HHIP: variants seen among roughly 807,000 people sequenced by gnomAD.
HHIP encodes hedgehog interacting protein.
In HHIP, 12 loss-of-function variants were observed where a neutral mutation model predicts 74.0. The ratio of observed to expected loss-of-function variants is 0.16; its 90% CI spans 0.10 to 0.26. The LOEUF is 0.26. Ranked by LOEUF, HHIP falls within the 10% of genes least tolerant of loss-of-function variation. The probability of loss-of-function intolerance (pLI) is 1.00; values close to 1 mark genes in which losing one functional copy is unlikely to be tolerated. For missense variants in HHIP, 788 were observed against 845.0 expected (o/e 0.93, Z 0.84); for synonymous variants, 309 against 311.6 (o/e 0.99, Z 0.09).
chr4:144,707,018 A>G (rs1204575402), intron 5 of HHIP, 69 bp from the exon 6 acceptor site: 1 of 1,311,088 alleles, frequency 7.6e-7, no homozygotes, highest in African/African-American at 1.5e-5. Context: ...TTTATATACT[A>G]TTCACTTTCT....
At chr4:144,731,709 C>T (rs752637718) in intron 11 of HHIP, among the ~76,000 whole-genome samples, 8 of 152,134 alleles carry the variant, frequency 5.3e-5, no homozygotes, top group Admixed American at 2.0e-4. Context: ...TGTGAGCCAC[C>T]GTACCTGACC....
chr4:144,675,378 T>C (rs1240152828), intron 4 of HHIP, among the ~76,000 whole-genome samples: 1 of 152,124 alleles, frequency 6.6e-6, no homozygotes, highest in Non-Finnish European at 1.5e-5. Context: ...TTTGTTGTCT[T>C]CATTACGAGA....
chr4:144,658,241 G>A (rs1728602013), intron 2 of HHIP, among the ~76,000 whole-genome samples: 1 of 152,032 alleles, frequency 6.6e-6, no homozygotes, highest in African/African-American at 2.4e-5. Flanking sequence ...CTTCATGGGA[G>A]CCTTTTAATA....
chr4:144,698,844 C>G (rs1232740932), intron 4 of HHIP, among the ~76,000 whole-genome samples: 1 of 152,060 alleles, frequency 6.6e-6, no homozygotes, highest in East Asian at 1.9e-4. Context: ...AAAAACAAGT[C>G]AAGTTCAAGA....
intron 4 of HHIP, among the ~76,000 whole-genome samples, chr4:144,688,134 T>C (rs1452011093): frequency 6.6e-6 from 1 of 152,166 alleles, no homozygotes; most frequent in Non-Finnish European, 1.5e-5. Flanking sequence ...GAATCAGCAC[T>C]GATTTTCAAC....
intron 4 of HHIP, among the ~76,000 whole-genome samples, chr4:144,698,353 C>T (rs1208741756): frequency 2.0e-5 from 3 of 152,154 alleles, no homozygotes; most frequent in African/African-American, 4.8e-5. Context: ...GATTATAACA[C>T]CATATTTTTA....
chr4:144,678,174 ATT>A (rs1300722652), intron 4 of HHIP, among the ~76,000 whole-genome samples: 2 of 152,292 alleles, frequency 1.3e-5, no homozygotes, highest in African/African-American at 4.8e-5. Flanking sequence ...AATCACTGTA[ATT>A]TGCATCTAAA....
At chr4:144,695,969 G>A (rs543782955) in intron 4 of HHIP, among the ~76,000 whole-genome samples, 5 of 151,932 alleles carry the variant, frequency 3.3e-5, no homozygotes, top group East Asian at 1.9e-4. Context: ...TAACGTGCAC[G>A]CATTCCTCAT....
At chr4:144,712,669 T>C (rs1002184787) in intron 8 of HHIP, among the ~76,000 whole-genome samples, 1 of 152,158 alleles carries the variant, frequency 6.6e-6, no homozygotes, top group Non-Finnish European at 1.5e-5. Context: ...AATAATAAAG[T>C]TCAAAACACT....
intron 1 of HHIP, chr4:144,650,819 T>A (rs1728398601): frequency 6.6e-6 from 1 of 152,118 alleles, no homozygotes; most frequent in African/African-American, 2.4e-5. Flanking sequence ...CAGAACACAT[T>A]CCAAAAATTG....
chr4:144,648,459 A>G (rs1306948496), intron 1 of HHIP: 1 of 152,174 alleles, frequency 6.6e-6, no homozygotes, highest in Non-Finnish European at 1.5e-5. Flanking sequence ...TTCTTACCAT[A>G]TGCAGCAGGA....
intron 11 of HHIP, among the ~76,000 whole-genome samples, chr4:144,731,745 G>A (rs1730961641): frequency 6.6e-6 from 1 of 152,088 alleles, no homozygotes; most frequent in African/African-American, 2.4e-5. Context: ...AACATTTATT[G>A]ACTGACTATA....
intron 11 of HHIP, among the ~76,000 whole-genome samples, chr4:144,725,554 G>T (rs1730772741): frequency 6.6e-6 from 1 of 152,106 alleles, no homozygotes; most frequent in African/African-American, 2.4e-5. Flanking sequence ...ATGGAGCTAA[G>T]AATTTATTTT....
intron 2 of HHIP, among the ~76,000 whole-genome samples, chr4:144,656,023 T>A (rs1369901679): frequency 2.0e-5 from 3 of 152,296 alleles, no homozygotes; most frequent in Non-Finnish European, 4.4e-5. Context: ...TTAGTAGACC[T>A]GACCATATTA....
chr4:144,700,641 G>A (rs1361433704), intron 4 of HHIP, among the ~76,000 whole-genome samples: 1 of 152,172 alleles, frequency 6.6e-6, no homozygotes, highest in East Asian at 1.9e-4. Flanking sequence ...TGGCTTTGAA[G>A]ATGGAAGAAA....
At chr4:144,718,366 A>C (rs1730521279) in intron 10 of HHIP, among the ~76,000 whole-genome samples, 1 of 152,212 alleles carries the variant, frequency 6.6e-6, no homozygotes, top group Non-Finnish European at 1.5e-5. Context: ...CTCCTGTGTG[A>C]AATCACAAGC....
chr4:144,733,958 T>C (rs1731037109), intron 11 of HHIP, among the ~76,000 whole-genome samples: 1 of 152,136 alleles, frequency 6.6e-6, no homozygotes, highest in Admixed American at 6.6e-5. Flanking sequence ...CTTTTTACAC[T>C]GCAAATAAGA....
At chr4:144,718,830 C>A in intron 10 of HHIP, 45 bp from the exon 11 acceptor site, 1 of 1,131,218 alleles carries the variant, frequency 8.8e-7, no homozygotes, top group Non-Finnish European at 1.4e-6. Context: ...AAGTAAGGAC[C>A]TCTACTGCTA....
Position 144,738,809 on chromosome 4 carries a change from A to G in HHIP, c.*852A>G, listed in dbSNP as rs1731193075. The G allele has an allele frequency of 2.4e-6, 1 of 413,450 alleles. No individual in the cohort carries two copies. Among genetic ancestry groups the G allele is most frequent in the Non-Finnish European group, 3.3e-6 (1 of 307,326 alleles). 25.6% of individuals were successfully genotyped at this position (413,450 alleles called of 1,614,324 possible). On this transcript the variant is annotated 3_prime_UTR_variant, in exon 13 of 13. Coordinates refer to ENST00000296575, the MANE Select transcript of HHIP (RefSeq NM_022475.3). ...TTAATTGGAAAGAAGGGGAGTGAGA[A>G]AGCAAACAGTCTTTAATGTGCTGTG... is the stretch of plus-strand genomic sequence containing the variant.
Sources: allele counts gnomAD v4.1 joint callset (sites outside exome capture counted in the v4.1 genomes callset), GRCh38; gene constraint gnomAD v4.1.1; transcripts MANE v1.5; gene names NCBI Gene and HGNC (gene_info 2026-07-23, HGNC 2026-07-21).